DHX29: variants seen among roughly 807,000 people sequenced by gnomAD.
DHX29 encodes the protein DExH-box helicase 29.
DHX29 carries 79 observed loss-of-function variants against 167.9 expected under a neutral mutation model. That is an observed-to-expected ratio of 0.47 (90% CI 0.39 to 0.57). DHX29 has a LOEUF of 0.57. Among genes scored for constraint, DHX29 ranks in the 20% least tolerant of loss-of-function variants. The probability of loss-of-function intolerance (pLI) is 0.00; values close to 1 mark genes in which losing one functional copy is unlikely to be tolerated. For missense variants in DHX29, 1,347 were observed against 1,593.4 expected (o/e 0.85, Z 2.63); for synonymous variants, 530 against 546.0 (o/e 0.97, Z 0.41).
chr5:55,302,190 T>C (rs1490418721), intron 1 of DHX29, among the ~76,000 whole-genome samples: 1 of 152,196 alleles, frequency 6.6e-6, no homozygotes, highest in East Asian at 1.9e-4. Flanking sequence ...AAGGAGAGTA[T>C]ATATTTAGTA....
At chr5:55,264,938 A>C (rs1746481015) in intron 23 of DHX29, among the ~76,000 whole-genome samples, 1 of 152,200 alleles carries the variant, frequency 6.6e-6, no homozygotes, top group Non-Finnish European at 1.5e-5. Flanking sequence ...CATCATTTGC[A>C]ACCCTAATGA....
chr5:55,269,376 A>AGTGGTAAGTCAAACAATGCTGCTGCTTC (rs1746738413), intron 21 of DHX29, 37 bp downstream of exon 21: 1 of 1,595,576 alleles, frequency 6.3e-7, no homozygotes, highest in African/African-American at 1.3e-5. Context: ...GTCAAAGGAT[A>AGTGGTAAGTCAAACAATGCTGCTGCTTC]TTTAAAGTAA....
chr5:55,280,833 A>G (rs1422183598), intron 12 of DHX29, among the ~76,000 whole-genome samples: 1 of 152,122 alleles, frequency 6.6e-6, no homozygotes, highest in Non-Finnish European at 1.5e-5. Context: ...TACTCTATAG[A>G]TAACTTGAAC....
At chr5:55,300,613 C>T (rs1014730842) in intron 1 of DHX29, among the ~76,000 whole-genome samples, 2 of 152,098 alleles carry the variant, frequency 1.3e-5, no homozygotes, top group Non-Finnish European at 2.9e-5. Flanking sequence ...GCAGAGGTTG[C>T]AGTGAGCCGA....
chr5:55,268,881 T>A (rs1490925213), intron 21 of DHX29, among the ~76,000 whole-genome samples: 1 of 152,148 alleles, frequency 6.6e-6, no homozygotes, highest in Non-Finnish European at 1.5e-5. Context: ...TTCCTAAGAA[T>A]CATCCACTAC....
intron 6 of DHX29, 73 bp downstream of exon 6, chr5:55,293,944 C>G: frequency 6.6e-7 from 1 of 1,507,950 alleles, no homozygotes; most frequent in Non-Finnish European, 8.9e-7. Flanking sequence ...AATGAGCAAA[C>G]TAAGGCTCAG....
rs1453711185 is a variant in DHX29, at chr5:55,274,958, T to C, written c.2480A>G (p.Gln827Arg). 1 of 1,613,940 alleles carries C rather than the reference T, an allele frequency of 6.2e-7. No homozygotes were observed. The highest frequency in any genetic ancestry group is 8.5e-7 in the Non-Finnish European group (1 of 1,179,934). Residue 827 changes from glutamine (Q) to arginine (R), a missense_variant, in exon 15 of 27, where the codon CAA becomes CGA. Physicochemically the swap from Gln to Arg is conservative, Grantham distance 43. Coordinates refer to ENST00000251636, the MANE Select transcript of DHX29 (RefSeq NM_019030.4). ...GAHADLNPFY[Q>R]KYSSRTQHAI... Reference sequence around the variant, plus strand: ...ATGCTGAGTGCGGCTGCTGTACTTTTGGTAAAATGGATTTAAATCAGCATG... The same window carrying C: ...ATGCTGAGTGCGGCTGCTGTACTTTCGGTAAAATGGATTTAAATCAGCATG...
intron 13 of DHX29, among the ~76,000 whole-genome samples, chr5:55,276,656 T>C (rs1056401028): frequency 1.4e-4 from 21 of 152,244 alleles, no homozygotes; most frequent in East Asian, 9.6e-4. Flanking sequence ...CAGTTAAGAA[T>C]AGATTGTATC....
In DHX29 at chr5:55,256,324, T is replaced by A; in HGVS notation, c.*164A>T. ...TCATCATTAAAAAGGAACTAGAAAA[T>A]TATACATGTTTAAAGTATGTGCTTT... On this transcript the variant is annotated 3_prime_UTR_variant, in exon 27 of 27. Coordinates refer to ENST00000251636, the MANE Select transcript of DHX29 (RefSeq NM_019030.4). 1 of 479,200 alleles carries A rather than the reference T, an allele frequency of 2.1e-6. No individual in the cohort carries two copies. The highest frequency in any genetic ancestry group is 3.6e-6 in the Non-Finnish European group (1 of 278,758). The allele number at this position is 479,200 out of a possible 1,614,324, so 29.7% of individuals were successfully genotyped here. A position where few individuals can be genotyped will look rare whatever the true frequency, so the allele number is the denominator to read the frequency against.
intron 7 of DHX29, 67 bp from the exon 8 acceptor site, chr5:55,289,495 A>G: frequency 7.6e-7 from 1 of 1,316,742 alleles, no homozygotes; most frequent in Non-Finnish European, 1.0e-6. Flanking sequence ...TTATTTATTT[A>G]CTTTTTTGGT....
chr5:55,300,466 A>G (rs1230603870), intron 1 of DHX29, among the ~76,000 whole-genome samples: 1 of 152,200 alleles, frequency 6.6e-6, no homozygotes, highest in Non-Finnish European at 1.5e-5. Flanking sequence ...TGAGGTCAGG[A>G]GTTTGAGACC....
Position 55,261,203 on chromosome 5 carries a change from A to C in DHX29, c.3960+165T>G, listed in dbSNP as rs143584306. The stretch of plus-strand genomic sequence containing the variant: ...TAATAGCAATATAATTTGATTTCCA[A>C]ATTTAACAGATTTAAAACCACAGAG... On this transcript the variant is annotated intron_variant, in intron 25 of 26. Coordinates refer to ENST00000251636, the MANE Select transcript of DHX29 (RefSeq NM_019030.4). 1.7e-3 allele frequency among the ~76,000 whole-genome samples: 258 copies of C among 152,326 alleles called. 1 individual carries two copies. Among genetic ancestry groups the C allele is most frequent in the Middle Eastern group, 6.8e-3 (2 of 294 alleles).
At position 55,269,462 on chromosome 5, in the gene DHX29, A is replaced by G. The variant is rs1377682092; in HGVS notation, c.3245T>C (p.Ile1082Thr). ...HLAALPVNVK[I>T]GKMLIFGAIF... The stretch of plus-strand genomic sequence containing the variant: ...GGCACCAAAAATAAGCATCTTGCCA[A>G]TCTTGACATTCACAGGTAAAGCTGC... The change falls in exon 21 of 27, where the codon ATT (isoleucine) becomes ACT (threonine). Residue 1082 changes from isoleucine (I) to threonine (T), a missense_variant. Coordinates refer to ENST00000251636, the MANE Select transcript of DHX29 (RefSeq NM_019030.4). 6.2e-7 allele frequency: 1 copy of G among 1,613,804 alleles called. No homozygotes were observed. The highest frequency in any genetic ancestry group is 8.5e-7 in the Non-Finnish European group (1 of 1,180,008).
intron 4 of DHX29, 62 bp downstream of exon 4, chr5:55,296,158 T>G: frequency 6.5e-7 from 1 of 1,526,944 alleles, no homozygotes; most frequent in Non-Finnish European, 8.8e-7. Flanking sequence ...AAAAGGTTGA[T>G]ACAAATACCA....
chr5:55,288,118 C>G (rs780519283), intron 8 of DHX29, among the ~76,000 whole-genome samples: 7 of 151,824 alleles, frequency 4.6e-5, no homozygotes, highest in Non-Finnish European at 8.8e-5. Context: ...GGGTGCATGC[C>G]TGTAATCCCA....
rs1394978220 is a variant in DHX29, at chr5:55,290,191, T to C, written c.907+27A>G. 8 of 1,592,072 alleles carry C rather than the reference T, an allele frequency of 5.0e-6. No homozygotes were observed. The Admixed American group carries it at 1.3e-4, about 26-fold the overall frequency. On this transcript the variant is annotated intron_variant, in intron 7 of 26. Transcript: ENST00000251636. ...AACAAATAGAAGACAATTACATTTA[T>C]ACATCTAAGTATTTGAAAGTGTTTA... is the stretch of plus-strand genomic sequence containing the variant.
At chr5:55,294,313 T>A (rs1308383116) in intron 5 of DHX29, among the ~76,000 whole-genome samples, 168 bp from the exon 6 acceptor site, 1 of 152,116 alleles carries the variant, frequency 6.6e-6, no homozygotes, top group Non-Finnish European at 1.5e-5. Context: ...ATTAAGAAAT[T>A]TACAATTGCA....
At chr5:55,270,149 A>G (rs1746778860) in intron 20 of DHX29, among the ~76,000 whole-genome samples, 3 of 152,136 alleles carry the variant, frequency 2.0e-5, no homozygotes, top group Non-Finnish European at 1.5e-5. Context: ...ACATTGCCCA[A>G]TGTCCCCTGG....
chr5:55,307,663 G>GA lies in DHX29; in HGVS notation c.-91_-90insT. The GA allele has an allele frequency of 6.6e-7, 1 of 1,506,552 alleles. No individual in the cohort carries two copies. The highest frequency in any genetic ancestry group is 9.0e-7 in the Non-Finnish European group (1 of 1,112,528). 93.3% of individuals were successfully genotyped at this position (1,506,552 alleles called of 1,614,324 possible). On this transcript the variant is annotated 5_prime_UTR_variant, in exon 1 of 27. Transcript: ENST00000251636. ...GCTCTTCACATTCCCCGGCTCCGGG[G>GA]CTGCCACCCTGCGCTTCGATCCGGG... is the stretch of plus-strand genomic sequence containing the variant.
Sources: gnomAD v4.1 joint callset for allele counts (sites outside exome capture counted in the v4.1 genomes callset) on GRCh38, gnomAD v4.1.1 for gene constraint, MANE v1.5 for transcripts, NCBI Gene and HGNC (gene_info 2026-07-23, HGNC 2026-07-21) for gene names.